The following GTF2I variants were observed in gnomAD, a reference collection of about 807,000 sequenced individuals.
GTF2I encodes the protein general transcription factor II-I.
Under a neutral mutation model 67.6 loss-of-function variants are expected in GTF2I, and 12 were observed. The ratio of observed to expected loss-of-function variants is 0.18; its 90% CI spans 0.11 to 0.29. The LOEUF (loss-of-function observed/expected upper bound fraction) is 0.29, where lower values mean the gene tolerates loss of function less well. Ranked by LOEUF, GTF2I falls within the 10% of genes least tolerant of loss-of-function variation. GTF2I has a pLI of 1.00. For synonymous variants in GTF2I, 149 were observed against 197.0 expected (o/e 0.76, Z 2.04); for missense variants, 271 against 580.1 (o/e 0.47, Z 5.47).
chr7:74,698,899 T>C (rs1220520724), intron 3 of GTF2I, 62 bp from the exon 4 acceptor site: 1 of 776,594 alleles, frequency 1.3e-6, no homozygotes, highest in Admixed American at 4.1e-5. Flanking sequence ...AAACCAAATA[T>C]TAAGGTAATG....
chr7:74,713,639 G>T (rs116874762), intron 9 of GTF2I, among the ~76,000 whole-genome samples: 5,247 of 152,214 alleles, frequency 0.034, 108 homozygotes, highest in Non-Finnish European at 0.047. Flanking sequence ...AAACATGCTT[G>T]TAATTGACTT....
Position 74,732,359 on chromosome 7 carries a change from G to A in GTF2I, c.1121-120G>A, listed in dbSNP as rs1794582574. 12 of 1,218,218 alleles carry A rather than the reference G, an allele frequency of 9.9e-6. No individual in the cohort carries two copies. In the South Asian group the frequency reaches 2.5e-4, roughly 25 times the overall value. 75.5% of individuals were successfully genotyped at this position (1,218,218 alleles called of 1,614,324 possible). ...ACTGCACTGCAGCCTGGGAGACACAGCAAGACTCCATCTCAAAAAAATAAA... is the reference window on the plus strand; with the variant it reads ...ACTGCACTGCAGCCTGGGAGACACAACAAGACTCCATCTCAAAAAAATAAA... On this transcript the variant is annotated intron_variant, in intron 14 of 34. Transcript: ENST00000573035.
At chr7:74,674,110 C>T (rs1251244003) in intron 1 of GTF2I, among the ~76,000 whole-genome samples, 3 of 148,632 alleles carry the variant, frequency 2.0e-5, no homozygotes, top group Non-Finnish European at 4.4e-5. Flanking sequence ...TGTTCTGTCT[C>T]CCAAGCTGGA....
intron 2 of GTF2I, 77 bp from the exon 3 acceptor site, chr7:74,690,896 G>GT: frequency 1.5e-6 from 2 of 1,358,672 alleles, no homozygotes; most frequent in Admixed American, 2.3e-5. Flanking sequence ...AATGTTGTTA[G>GT]TTTTTTTAAT....
At chr7:74,686,344 C>T (rs1787723770) in intron 1 of GTF2I, among the ~76,000 whole-genome samples, 1 of 152,048 alleles carries the variant, frequency 6.6e-6, no homozygotes, top group Non-Finnish European at 1.5e-5. Context: ...ATTCTCCGGC[C>T]TCATGATGAC....
intron 14 of GTF2I, among the ~76,000 whole-genome samples, chr7:74,731,701 T>C (rs1461725307): frequency 5.3e-5 from 8 of 150,488 alleles, no homozygotes; most frequent in African/African-American, 1.9e-4. Flanking sequence ...CCCGCCACCA[T>C]GCCCAGCTAA....
chr7:74,669,599 G>T (rs1487821772), intron 1 of GTF2I, among the ~76,000 whole-genome samples: 4 of 151,312 alleles, frequency 2.6e-5, no homozygotes, highest in African/African-American at 9.7e-5. Context: ...GCAGTGGCAC[G>T]ATCTCGGCTC....
At chr7:74,672,509 C>T (rs1309853457) in intron 1 of GTF2I, among the ~76,000 whole-genome samples, 2 of 151,974 alleles carry the variant, frequency 1.3e-5, no homozygotes, top group African/African-American at 2.4e-5. Flanking sequence ...CACTGTACTC[C>T]GGCCTGGGCA....
chr7:74,704,855 TAAAAAAAAAAAAAAA>T (rs35715710), intron 6 of GTF2I, among the ~76,000 whole-genome samples: 18 of 76,978 alleles, frequency 2.3e-4, no homozygotes, highest in African/African-American at 6.6e-4. Context: ...ACCCTGTTTC[TAAAAAAAAAAAAAAA>T]AAAAAAAAAA....
At chr7:74,706,330 A>G (rs1173711292) in intron 7 of GTF2I, 60 bp from the exon 8 acceptor site, 22 of 1,412,672 alleles carry the variant, frequency 1.6e-5, no homozygotes, top group Non-Finnish European at 2.1e-5. Context: ...GAGACTTTGA[A>G]TGCTGTGGGA....
chr7:74,686,715 A>G (rs369544231), intron 1 of GTF2I, among the ~76,000 whole-genome samples: 1 of 152,150 alleles, frequency 6.6e-6, no homozygotes, highest in Non-Finnish European at 1.5e-5. Flanking sequence ...ACTTAGTTTT[A>G]TCCAAGAGAA....
Position 74,682,491 on chromosome 7 carries a change from C to T in GTF2I, c.-5-6633C>T, listed in dbSNP as rs1324513780. 3.3e-5 allele frequency among the ~76,000 whole-genome samples: 5 copies of T among 152,184 alleles called. No homozygotes were observed. In the East Asian group the frequency reaches 9.6e-4, roughly 29 times the overall value. ...GGGGTGAGAGACTCAGAATAGTCTG[C>T]ATCCTTACTTGTGGCCTGGGTTAAC... On this transcript the variant is annotated intron_variant, in intron 1 of 34. Coordinates refer to ENST00000573035, the MANE Select transcript of GTF2I (RefSeq NM_032999.4).
At chr7:74,661,412 G>T (rs1554386501) in intron 1 of GTF2I, among the ~76,000 whole-genome samples, 1 of 152,188 alleles carries the variant, frequency 6.6e-6, no homozygotes, top group Non-Finnish European at 1.5e-5. Context: ...GGGTGCGGTG[G>T]CTCACACCTG....
chr7:74,697,406 A>AG (rs1789034594), intron 3 of GTF2I, among the ~76,000 whole-genome samples: 1 of 152,148 alleles, frequency 6.6e-6, no homozygotes, highest in Non-Finnish European at 1.5e-5. Context: ...GAAAAAAAAA[A>AG]TTATTAATGG....
intron 5 of GTF2I, 88 bp downstream of exon 5, chr7:74,700,518 A>G: frequency 1.3e-6 from 2 of 1,591,844 alleles, no homozygotes. Context: ...TTTAAAATTC[A>G]TATTTAACAC....
At chr7:74,697,475 C>CA (rs782633732) in intron 3 of GTF2I, among the ~76,000 whole-genome samples, 3 of 152,116 alleles carry the variant, frequency 2.0e-5, no homozygotes, top group Non-Finnish European at 4.4e-5. Flanking sequence ...ATTGTACACT[C>CA]ATGAAACATC....
intron 5 of GTF2I, 41 bp from the exon 6 acceptor site, chr7:74,700,565 C>T (rs782418739): frequency 5.6e-6 from 9 of 1,609,272 alleles, no homozygotes; most frequent in East Asian, 2.2e-5. Context: ...AATAATTTTG[C>T]GTATTCATAC....
chr7:74,661,428 C>G (rs1584051796), intron 1 of GTF2I, among the ~76,000 whole-genome samples: 1 of 151,972 alleles, frequency 6.6e-6, no homozygotes, highest in African/African-American at 2.4e-5. Flanking sequence ...ACCTGTAATC[C>G]CAGCACTTTG....
intron 6 of GTF2I, among the ~76,000 whole-genome samples, chr7:74,703,780 A>G (rs1790176185): frequency 6.6e-6 from 1 of 152,356 alleles, no homozygotes; most frequent in East Asian, 1.9e-4. Context: ...TTATAGCTTC[A>G]ACTCTCACAT....
Sources: allele counts gnomAD v4.1 joint callset (sites outside exome capture counted in the v4.1 genomes callset), GRCh38; gene constraint gnomAD v4.1.1; transcripts MANE v1.5; gene names NCBI Gene and HGNC (gene_info 2026-07-23, HGNC 2026-07-21).